MSI1: variants seen among roughly 807,000 people sequenced by gnomAD.
The protein encoded by MSI1 is musashi RNA binding protein 1.
MSI1 carries 15 observed loss-of-function variants against 54.4 expected under a neutral mutation model. That is an observed-to-expected ratio of 0.28 (90% confidence interval 0.18 to 0.42). MSI1 has a LOEUF of 0.42. MSI1 is among the 20% of genes least tolerant of loss of function. MSI1 has a pLI of 1.00. For missense variants in MSI1, 304 were observed against 506.0 expected, an observed-to-expected ratio of 0.60 and a Z score of 3.83; for synonymous variants, 200 against 196.5, an observed-to-expected ratio of 1.02 and a Z score of -0.15.
At chr12:120,353,714 C>T (rs1376567192) in intron 9 of MSI1, among the ~76,000 whole-genome samples, 2 of 152,176 alleles carry the variant, frequency 1.3e-5, no homozygotes, top group Non-Finnish European at 2.9e-5. Flanking sequence ...CACACTGCTC[C>T]TCCCTCCCTC....
Position 120,368,761 on chromosome 12 carries a change from G to T in MSI1, c.100+72C>A. ...CAGCAGGGCGCAGGGCCGGGCTGGG[G>T]TGTCCGGGTCCGGGGCGCCGGGGGG... is the stretch of plus-strand genomic sequence containing the variant. On this transcript the variant is annotated intron_variant, in intron 2 of 14. Transcript: ENST00000257552. This position sits in a 1 kb window ranked among gnomAD's most constrained non-coding sequence, Gnocchi z 6.6. 4 of 1,296,676 alleles carry T rather than the reference G, an allele frequency of 3.1e-6. No homozygotes were observed. The highest frequency in any genetic ancestry group is 4.0e-6 in the Non-Finnish European group (4 of 1,001,190). The allele number at this position is 1,296,676 out of a possible 1,614,324, so 80.3% of individuals were successfully genotyped here. A position where few individuals can be genotyped will look rare whatever the true frequency, so the allele number is the denominator to read the frequency against.
chr12:120,353,236 G>C, intron 10 of MSI1, 63 bp downstream of exon 10: 1 of 1,521,246 alleles, frequency 6.6e-7, no homozygotes, highest in African/African-American at 1.4e-5. Flanking sequence ...ACCACCCTGA[G>C]AAGTCAGACT....
intron 6 of MSI1, among the ~76,000 whole-genome samples, chr12:120,362,688 G>A (rs1875749434): frequency 1.3e-5 from 2 of 152,170 alleles, no homozygotes; most frequent in African/African-American, 4.8e-5. Flanking sequence ...AATAGCCTGT[G>A]GCCTGGACAG....
downstream of MSI1, among the ~76,000 whole-genome samples, chr12:120,340,100 T>C (rs1235476313): frequency 2.0e-5 from 3 of 151,472 alleles, no homozygotes; most frequent in African/African-American, 7.3e-5. Flanking sequence ...TTTTTTTTTT[T>C]TTCTTTGAGA....
At chr12:120,366,515 C>A (rs1422314147) in intron 4 of MSI1, among the ~76,000 whole-genome samples, 2 of 152,152 alleles carry the variant, frequency 1.3e-5, no homozygotes, top group African/African-American at 4.8e-5. Context: ...CACACAGTCC[C>A]CCTACACAGA....
intron 4 of MSI1, among the ~76,000 whole-genome samples, chr12:120,366,060 G>A (rs1875998824): frequency 6.6e-6 from 1 of 152,178 alleles, no homozygotes; most frequent in African/African-American, 2.4e-5. Flanking sequence ...ATAGCTGTAC[G>A]ACAAACAGCA....
In MSI1 at chr12:120,368,117, C is replaced by CA; in HGVS notation, c.183-26dup. On this transcript the variant is annotated intron_variant, in intron 3 of 14. Transcript: ENST00000257552. The surrounding 1 kb of genome is among the most constrained non-coding windows in gnomAD (Gnocchi z 6.6). Reference sequence around the variant, plus strand: ...CCTGCGCGCCGTAGTGAGGGAGAGGCAGATGGTTACAAGGCAGTGAGTGGC... The same window carrying CA: ...CCTGCGCGCCGTAGTGAGGGAGAGGCAAGATGGTTACAAGGCAGTGAGTGGC... The CA allele has an allele frequency of 6.2e-7, 1 of 1,610,836 alleles. No homozygotes were observed. Among genetic ancestry groups the CA allele is most frequent in the South Asian group, 1.1e-5 (1 of 90,450 alleles).
At chr12:120,362,618 T>C (rs926731312) in intron 6 of MSI1, among the ~76,000 whole-genome samples, 5 of 152,066 alleles carry the variant, frequency 3.3e-5, no homozygotes, top group Admixed American at 2.6e-4. Flanking sequence ...CCGAGTGCAA[T>C]TGGGAGTCAT....
rs1398385473 is a variant in MSI1 at position 120,368,971 on chromosome 12, G to C, written c.59+62C>G. ...GCTCCGGGGAGGCCCGGCCGGACCC[G>C]GATCGGCCATGTTGGCGGGGCCGGG... is the stretch of plus-strand genomic sequence containing the variant. On this transcript the variant is annotated intron_variant, in intron 1 of 14. Coordinates refer to ENST00000257552, the MANE Select transcript of MSI1 (RefSeq NM_002442.4). This position sits in a 1 kb window ranked among gnomAD's most constrained non-coding sequence, Gnocchi z 6.6. 3 of 1,157,382 alleles carry C rather than the reference G, an allele frequency of 2.6e-6. No homozygotes were observed. The highest frequency in any genetic ancestry group is 3.2e-6 in the Non-Finnish European group (3 of 936,504). The allele number at this position is 1,157,382 out of a possible 1,614,324, so 71.7% of individuals were successfully genotyped here.
At position 120,369,060 on chromosome 12, in the gene MSI1, G is replaced by A; in HGVS notation, c.32C>T (p.Ala11Val). 2 of 1,025,996 alleles carry A rather than the reference G, an allele frequency of 1.9e-6. No homozygotes were observed. Among genetic ancestry groups the A allele is most frequent in the Non-Finnish European group, 2.3e-6 (2 of 859,394 alleles). 63.6% of individuals were successfully genotyped at this position (1,025,996 alleles called of 1,614,324 possible). A position where few individuals can be genotyped will look rare whatever the true frequency, so the allele number is the denominator to read the frequency against. The change falls in exon 1 of 15, where the codon GCC (alanine) becomes GTC (valine). Residue 11 changes from alanine (A) to valine (V), a missense_variant. By Grantham distance (64) the Ala-to-Val change is moderately conservative. Transcript: ENST00000257552. METDAPQPGL[A>V]SPDSPHDPCK... ...GGGGTCGTGCGGCGAGTCCGGGGAG[G>A]CGAGGCCGGGCTGGGGCGCGTCAGT...
chr12:120,351,463 G>A (rs190332656), intron 10 of MSI1, 63 bp from the exon 11 acceptor site: 543 of 1,469,934 alleles, frequency 3.7e-4, no homozygotes, highest in Admixed American at 6.0e-4. Context: ...ATGGCCCAGG[G>A]AGGACAAATG....
Position 120,346,197 on chromosome 12 carries a change from C to G in MSI1, c.985G>C (p.Val329Leu), listed in dbSNP as rs1196203379. ...CTGGCGGCGCTGATGTAACTGCTGA[C>G]CCCCGAGTCCTGGTTGGCCGCCCCG... is the stretch of plus-strand genomic sequence containing the variant. The part of the protein sequence containing the change: ...LYGAANQDSG[V>L]SSYISAASPA... Residue 329 changes from valine to leucine, a missense_variant, in exon 13 of 15, where the codon GTC becomes CTC. Physicochemically the swap from Val to Leu is conservative, Grantham distance 32. Transcript: ENST00000257552. The G allele has an allele frequency of 6.3e-7, 1 of 1,599,790 alleles. No individual in the cohort carries two copies. The highest frequency in any genetic ancestry group is 1.7e-5 in the Admixed American group (1 of 58,564).
intron 10 of MSI1, 107 bp from the exon 11 acceptor site, chr12:120,351,507 A>G (rs1874594251): frequency 1.0e-6 from 1 of 983,220 alleles, no homozygotes; most frequent in Non-Finnish European, 1.5e-6. Context: ...GAGACAGGCC[A>G]TGCACAGGAC....
intron 6 of MSI1, among the ~76,000 whole-genome samples, chr12:120,359,388 GA>G: frequency 6.6e-6 from 1 of 152,308 alleles, no homozygotes; most frequent in East Asian, 1.9e-4. Context: ...CCAAACTGGG[GA>G]GGCACAGAGA....
chr12:120,362,184 A>G (rs1033905433), intron 6 of MSI1, among the ~76,000 whole-genome samples: 8 of 149,150 alleles, frequency 5.4e-5, no homozygotes, highest in Non-Finnish European at 7.4e-5. Context: ...TCCCAGGCCC[A>G]TTTCCCAGGC....
chr12:120,340,732 T>G (rs1415384786), downstream of MSI1, among the ~76,000 whole-genome samples: 1 of 152,024 alleles, frequency 6.6e-6, no homozygotes, highest in Non-Finnish European at 1.5e-5. Context: ...CAGGCTGGTC[T>G]TGAACCCCTG....
At position 120,342,397 on chromosome 12, in the gene MSI1, CG is replaced by C. The variant is rs1490744511; in HGVS notation, c.*729del. 6.6e-6 allele frequency: 1 copy of C among 152,472 alleles called. No homozygotes were observed. The highest frequency in any genetic ancestry group is 1.5e-5 in the Non-Finnish European group (1 of 68,072). The allele number at this position is 152,472 out of a possible 1,614,324, so 9.4% of individuals were successfully genotyped here. A position where few individuals can be genotyped will look rare whatever the true frequency, so the allele number is the denominator to read the frequency against. The stretch of plus-strand genomic sequence containing the variant: ...AGGGGAGGGGGGAGCCCCTCACCCC[CG>C]AGGGGTCTTAGAGAGGGGTGGGCAC... On this transcript the variant is annotated 3_prime_UTR_variant, in exon 15 of 15. Coordinates refer to ENST00000257552, the MANE Select transcript of MSI1 (RefSeq NM_002442.4).
At chr12:120,369,164 TGAG>T, upstream of MSI1, 1 of 990,520 alleles carries the variant, frequency 1.0e-6, no homozygotes, top group Non-Finnish European at 1.2e-6. Flanking sequence ...GCGGGGCAGA[TGAG>T]GAGCGCGGCG....
At chr12:120,363,964 C>T (rs1423543585) in intron 5 of MSI1, among the ~76,000 whole-genome samples, 1 of 152,200 alleles carries the variant, frequency 6.6e-6, no homozygotes, top group Non-Finnish European at 1.5e-5. Context: ...CATGATAAGT[C>T]AGTAAACTCA....
Sources: allele counts gnomAD v4.1 joint callset (sites outside exome capture counted in the v4.1 genomes callset), GRCh38; gene constraint gnomAD v4.1.1; non-coding constraint Gnocchi (gnomAD v3.1); transcripts MANE v1.5; gene names NCBI Gene and HGNC (gene_info 2026-07-23, HGNC 2026-07-21).